HS3ST4: variants seen among roughly 807,000 people sequenced by gnomAD.
HS3ST4 encodes heparan sulfate glucosamine 3-O-sulfotransferase 4.
Under a neutral mutation model 29.2 loss-of-function variants are expected in HS3ST4, and 17 were observed. The observed-to-expected ratio is 0.58, with a 90% CI of 0.40 to 0.87. The LOEUF (loss-of-function observed/expected upper bound fraction) is 0.87, where lower values mean the gene tolerates loss of function less well. Among genes scored for constraint, HS3ST4 ranks in the 40% least tolerant of loss-of-function variants. HS3ST4 has a pLI of 0.00. For synonymous variants in HS3ST4, 314 were observed against 285.7 expected (o/e 1.10, Z -1.00); for missense variants, 627 against 634.5 (o/e 0.99, Z 0.13).
intron 1 of HS3ST4, among the ~76,000 whole-genome samples, chr16:25,778,137 AAT>A (rs34878441): frequency 1.1e-4 from 17 of 151,422 alleles, no homozygotes; most frequent in Non-Finnish European, 1.3e-4. Flanking sequence ...TACATACTAA[AAT>A]ATATATATAT....
chr16:25,793,320 GA>G (rs1229439395), intron 1 of HS3ST4, among the ~76,000 whole-genome samples: 1 of 151,850 alleles, frequency 6.6e-6, no homozygotes, highest in Non-Finnish European at 1.5e-5. Flanking sequence ...TGATTAACAT[GA>G]TTTTTTTGGA....
At chr16:26,112,767 T>C (rs1899149247) in intron 1 of HS3ST4, among the ~76,000 whole-genome samples, 1 of 151,936 alleles carries the variant, frequency 6.6e-6, no homozygotes, top group Non-Finnish European at 1.5e-5. Flanking sequence ...CCAAGAAACA[T>C]AGGGAAAAAT....
chr16:25,961,381 A>G (rs1415624719), intron 1 of HS3ST4, among the ~76,000 whole-genome samples: 2 of 152,252 alleles, frequency 1.3e-5, no homozygotes, highest in East Asian at 3.9e-4. Context: ...GGCATTTGCA[A>G]CTCATGCCTT....
intron 1 of HS3ST4, among the ~76,000 whole-genome samples, chr16:26,019,547 A>G (rs986585837): frequency 6.6e-6 from 1 of 152,152 alleles, no homozygotes; most frequent in African/African-American, 2.4e-5. Context: ...TGCCTTCATT[A>G]TAAGAACAGC....
At chr16:25,993,292 G>GGGGTTGAT (rs562665038) in intron 1 of HS3ST4, among the ~76,000 whole-genome samples, 268 of 152,232 alleles carry the variant, frequency 1.8e-3, no homozygotes, top group African/African-American at 5.9e-3. Flanking sequence ...GAGTATAGTA[G>GGGGTTGAT]GGGTTGATTT....
At chr16:26,065,132 C>T (rs1898527364) in intron 1 of HS3ST4, among the ~76,000 whole-genome samples, 1 of 152,034 alleles carries the variant, frequency 6.6e-6, no homozygotes, top group Non-Finnish European at 1.5e-5. Flanking sequence ...GGTATATACC[C>T]AAAGGAATAT....
In HS3ST4 at chr16:25,751,604, A is replaced by G. The variant is rs192388162; in HGVS notation, c.734+58453A>G. On this transcript the variant is annotated intron_variant, in intron 1 of 1. Coordinates refer to ENST00000331351, the MANE Select transcript of HS3ST4 (RefSeq NM_006040.3). ...TTGAAATGTCATCATGTAGCTGAAT[A>G]GTGCTAACAGACCTGCATTTCACTC... Among the ~76,000 whole-genome samples the G allele has an allele frequency of 6.1e-3, 924 of 152,320 alleles. 7 individuals carry two copies. The highest frequency in any genetic ancestry group is 9.3e-3 in the Non-Finnish European group (634 of 68,022).
intron 1 of HS3ST4, among the ~76,000 whole-genome samples, chr16:25,791,874 T>TA (rs1966869952): frequency 6.6e-6 from 1 of 152,046 alleles, no homozygotes; most frequent in Non-Finnish European, 1.5e-5. Flanking sequence ...TCTTGTCTTA[T>TA]GGCACCATAG....
At chr16:25,894,125 T>A (rs1473835332) in intron 1 of HS3ST4, among the ~76,000 whole-genome samples, 2 of 152,032 alleles carry the variant, frequency 1.3e-5, no homozygotes, top group Non-Finnish European at 2.9e-5. Context: ...CTCAGTTCAC[T>A]CCTTTCTCTG....
intron 1 of HS3ST4, among the ~76,000 whole-genome samples, chr16:25,761,003 G>C (rs911484915): frequency 1.3e-5 from 2 of 151,892 alleles, no homozygotes; most frequent in Non-Finnish European, 2.9e-5. Flanking sequence ...CAAAAGGCAA[G>C]CCAGATGGCA....
intron 1 of HS3ST4, among the ~76,000 whole-genome samples, chr16:25,908,989 C>T (rs1346898497): frequency 6.6e-6 from 1 of 152,184 alleles, no homozygotes; most frequent in East Asian, 1.9e-4. Context: ...CACAGCCTCA[C>T]ATTTCACATG....
intron 1 of HS3ST4, among the ~76,000 whole-genome samples, chr16:25,822,963 C>G (rs1967177197): frequency 6.6e-6 from 1 of 152,074 alleles, no homozygotes; most frequent in Non-Finnish European, 1.5e-5. Flanking sequence ...GTCTTGAACT[C>G]CTGGCCTCAA....
chr16:25,815,436 G>A lies in HS3ST4; in HGVS notation c.734+122285G>A, dbSNP rs562740550. ...CCTCCCAAGTTCAAGCGATTCTTCT[G>A]CCTCAGCCTCACGAGTAGCTGGGAT... On this transcript the variant is annotated intron_variant, in intron 1 of 1. Coordinates refer to ENST00000331351, the MANE Select transcript of HS3ST4 (RefSeq NM_006040.3). Among the ~76,000 whole-genome samples the A allele has an allele frequency of 1.8e-4, 27 of 152,254 alleles. No homozygotes were observed. In the East Asian group the frequency reaches 3.9e-3, roughly 22 times the overall value.
intron 1 of HS3ST4, among the ~76,000 whole-genome samples, chr16:26,007,148 A>G (rs1330359904): frequency 6.6e-6 from 1 of 152,248 alleles, no homozygotes; most frequent in Non-Finnish European, 1.5e-5. Context: ...ATATGTCCTC[A>G]CTGACATGTG....
intron 1 of HS3ST4, among the ~76,000 whole-genome samples, chr16:25,828,281 TTTCTTTCTTTCTTTCTTTCC>T (rs1567249424): frequency 1.0e-4 from 10 of 95,576 alleles, no homozygotes; most frequent in South Asian, 4.2e-4. Flanking sequence ...TCTTTCTTTC[TTTCTTTCTTTCTTTCTTTCC>T]CTCTCTCTCT....
At chr16:25,975,956 C>G (rs1020924154) in intron 1 of HS3ST4, among the ~76,000 whole-genome samples, 3 of 152,150 alleles carry the variant, frequency 2.0e-5, no homozygotes, top group East Asian at 3.9e-4. Flanking sequence ...ATGGGTCCCT[C>G]TCTGCATCTC....
intron 1 of HS3ST4, among the ~76,000 whole-genome samples, chr16:25,958,236 G>A (rs1968756409): frequency 6.6e-6 from 1 of 152,206 alleles, no homozygotes; most frequent in Non-Finnish European, 1.5e-5. Flanking sequence ...TATCTTTGCT[G>A]CGTAAGAAAT....
At chr16:25,721,943 G>C (rs149286230) in intron 1 of HS3ST4, among the ~76,000 whole-genome samples, 1 of 152,152 alleles carries the variant, frequency 6.6e-6, no homozygotes, top group Non-Finnish European at 1.5e-5. Flanking sequence ...CAAGGAAGAC[G>C]TAGAAGATGT....
At chr16:25,981,461 A>G (rs548816176) in intron 1 of HS3ST4, among the ~76,000 whole-genome samples, 4 of 152,288 alleles carry the variant, frequency 2.6e-5, no homozygotes, top group African/African-American at 7.2e-5. Flanking sequence ...CAAGGCCCCA[A>G]GATGACAAAG....
Sources: allele counts gnomAD v4.1 joint callset (sites outside exome capture counted in the v4.1 genomes callset), GRCh38; gene constraint gnomAD v4.1.1; transcripts MANE v1.5; gene names NCBI Gene and HGNC (gene_info 2026-07-23, HGNC 2026-07-21).